The following RPE65 variants were observed in gnomAD, a reference collection of about 807,000 sequenced individuals.
The protein encoded by RPE65 is retinoid isomerohydrolase RPE65, also known as retinoid isomerohydrolase.
A neutral mutation model predicts 68.5 loss-of-function variants in RPE65; 58 were observed. The observed-to-expected ratio is 0.85, with a 90% CI of 0.69 to 1.05. The LOEUF is 1.05. Ranked by LOEUF, RPE65 falls within the 50% of genes least tolerant of loss-of-function variation. The pLI is 0.00. For synonymous variants in RPE65, 220 were observed against 222.2 expected, an observed-to-expected ratio of 0.99 and a Z score of 0.09; for missense variants, 643 against 629.9, an observed-to-expected ratio of 1.02 and a Z score of -0.22.
chr1:68,429,592 T>C lies in RPE65; in HGVS notation c.*184A>G, dbSNP rs1307618913. On this transcript the variant is annotated 3_prime_UTR_variant, in exon 14 of 14. Transcript: ENST00000262340. ...AAGTATGATTATCTAAATACGTACT[T>C]TTTTTTTTAAATAAAGGAATTGCTT... The C allele has an allele frequency of 3.1e-6, 2 of 645,826 alleles. No homozygotes were observed. The highest frequency in any genetic ancestry group is 5.3e-6 in the Non-Finnish European group (2 of 378,950). 40.0% of individuals were successfully genotyped at this position (645,826 alleles called of 1,614,324 possible).
At chr1:68,435,512 A>G (rs1298313716) in intron 10 of RPE65, among the ~76,000 whole-genome samples, 1 of 152,184 alleles carries the variant, frequency 6.6e-6, no homozygotes, top group Non-Finnish European at 1.5e-5. Flanking sequence ...CAAATTTCTT[A>G]GCCTGGCCTT....
chr1:68,429,874 G>A lies in RPE65; in HGVS notation c.1504C>T (p.Leu502Phe). ...AAGTCCTTGGCATTCAGAATCAGGAGATAAGCAGGCTTTTGTCCTGCTCCT... is the reference window on the plus strand; with the variant it reads ...AAGTCCTTGGCATTCAGAATCAGGAAATAAGCAGGCTTTTGTCCTGCTCCT... ...SPGAGQKPAYLLILNAKDLSE... is the reference protein window; with the variant it reads ...SPGAGQKPAYFLILNAKDLSE... The change falls in exon 14 of 14, where the codon CTC becomes TTC. Residue 502 changes from leucine to phenylalanine, a missense_variant. Leu to Phe is a conservative substitution (Grantham distance 22). Coordinates refer to ENST00000262340, the MANE Select transcript of RPE65 (RefSeq NM_000329.3). 1 of 1,613,850 alleles carries A rather than the reference G, an allele frequency of 6.2e-7. No individual in the cohort carries two copies. Among genetic ancestry groups the A allele is most frequent in the Non-Finnish European group, 8.5e-7 (1 of 1,179,826 alleles).
At position 68,432,412 on chromosome 1, in the gene RPE65, T is replaced by C. The variant is rs2100809257; in HGVS notation, c.1129-827A>G. Among the ~76,000 whole-genome samples, 2 of 152,270 alleles carry C rather than the reference T, an allele frequency of 1.3e-5. 1 individual carries two copies. Among genetic ancestry groups the C allele is most frequent in the East Asian group, 3.9e-4 (2 of 5,170 alleles). On this transcript the variant is annotated intron_variant, in intron 10 of 13. Coordinates refer to ENST00000262340, the MANE Select transcript of RPE65 (RefSeq NM_000329.3). Reference sequence around the variant, plus strand: ...GGTAAGCGGTTAAAATTTGAATAGATGGTTCGGGTAGGTCTCTTTGAACAG... The same window carrying C: ...GGTAAGCGGTTAAAATTTGAATAGACGGTTCGGGTAGGTCTCTTTGAACAG...
intron 13 of RPE65, 89 bp downstream of exon 13, chr1:68,430,976 G>T: frequency 2.0e-6 from 2 of 995,158 alleles, no homozygotes; most frequent in Non-Finnish European, 3.2e-6. Context: ...TGAGTATTAC[G>T]GAATAATCAA....
chr1:68,441,477 C>T (rs901819970), intron 5 of RPE65, among the ~76,000 whole-genome samples: 9 of 151,912 alleles, frequency 5.9e-5, no homozygotes, highest in Non-Finnish European at 1.0e-4. Context: ...AAAGGGACTT[C>T]AAGCTTCATC....
chr1:68,431,394 T>C lies in RPE65; in HGVS notation c.1244-18A>G, dbSNP rs775031159. 3.1e-6 allele frequency: 5 copies of C among 1,613,340 alleles called. No homozygotes were observed. The highest frequency in any genetic ancestry group is 1.3e-5 in the African/African-American group (1 of 75,034). On this transcript the variant is annotated intron_variant, in intron 11 of 13. Coordinates refer to ENST00000262340, the MANE Select transcript of RPE65 (RefSeq NM_000329.3). ...CTCAAATGCTACGAAATAGAGCACA[T>C]GCTTAGGAAAACTCTTAATCTCTTT...
At chr1:68,448,757 G>A (rs750009402) in intron 1 of RPE65, 51 bp from the exon 2 acceptor site, 21 of 1,508,684 alleles carry the variant, frequency 1.4e-5, no homozygotes, top group East Asian at 2.4e-5. Flanking sequence ...CTCAAAGTCC[G>A]CAGAGATAGA....
intron 6 of RPE65, 60 bp downstream of exon 6, chr1:68,440,793 C>T: frequency 6.3e-7 from 1 of 1,588,220 alleles, no homozygotes; most frequent in South Asian, 1.1e-5. Context: ...TCTCACAATA[C>T]AGTAACTTTC....
chr1:68,438,446 G>A, intron 9 of RPE65, 130 bp from the exon 10 acceptor site: 1 of 1,085,170 alleles, frequency 9.2e-7, no homozygotes, highest in South Asian at 1.4e-5. Context: ...TATTGAGCCA[G>A]GTGTATCAGA....
Position 68,439,464 on chromosome 1 carries a change from C to CAAA in RPE65, c.725+94_725+96dup, listed in dbSNP as rs1378105428. On this transcript the variant is annotated intron_variant, in intron 7 of 13. Coordinates refer to ENST00000262340, the MANE Select transcript of RPE65 (RefSeq NM_000329.3). ...AATTATGTTTAAATTTAGTTTTCTG[C>CAAA]AAAAAAATATTGTGATCAGGATTGG... 3.8e-6 allele frequency: 6 copies of CAAA among 1,560,140 alleles called. No individual in the cohort carries two copies. In the African/African-American group the frequency reaches 8.2e-5, roughly 21 times the overall value.
chr1:68,446,839 G>T lies in RPE65; in HGVS notation c.116C>A (p.Thr39Asn). 1 of 1,613,742 alleles carries T rather than the reference G, an allele frequency of 6.2e-7. No homozygotes were observed. Among genetic ancestry groups the T allele is most frequent in the South Asian group, 1.1e-5 (1 of 91,058 alleles). Residue 39 changes from threonine to asparagine, a missense_variant, in exon 3 of 14, where the codon ACC becomes AAC. By Grantham distance (65) the Thr-to-Asn change is moderately conservative. Coordinates refer to ENST00000262340, the MANE Select transcript of RPE65 (RefSeq NM_000329.3). ...TGGCCCACATCGAAGGAGACTGCCG[G>T]TGAGCCAGAGGGGGATCCTGCCTGT... The part of the protein sequence containing the change: ...HVTGRIPLWL[T>N]GSLLRCGPGL...
Position 68,440,975 on chromosome 1 carries a change from A to G in RPE65, c.521T>C (p.Val174Ala). The change falls in exon 6 of 14, where the codon GTC (valine) becomes GCC (alanine). Residue 174 changes from valine (V) to alanine (A), a missense_variant. Physicochemically the swap from Val to Ala is moderately conservative, Grantham distance 64 (BLOSUM62 0). Coordinates refer to ENST00000262340, the MANE Select transcript of RPE65 (RefSeq NM_000329.3). ...GTGGGGGTGAGCAGTGGCCCCATTGACAGAGACATAGTTGCAAAGATCAAC... is the reference window on the plus strand; with the variant it reads ...GTGGGGGTGAGCAGTGGCCCCATTGGCAGAGACATAGTTGCAAAGATCAAC... ...KQVDLCNYVS[V>A]NGATAHPHIE... 1 of 1,613,944 alleles carries G rather than the reference A, an allele frequency of 6.2e-7. No individual in the cohort carries two copies. The highest frequency in any genetic ancestry group is 8.5e-7 in the Non-Finnish European group (1 of 1,179,888).
At chr1:68,432,639 C>A (rs1016862644) in intron 10 of RPE65, among the ~76,000 whole-genome samples, 2 of 152,160 alleles carry the variant, frequency 1.3e-5, no homozygotes, top group Non-Finnish European at 2.9e-5. Flanking sequence ...GTGGGGAGGT[C>A]ACGAGCCAGG....
chr1:68,439,599 G>A lies in RPE65; in HGVS notation c.687C>T (p.Phe229=). 1.2e-6 allele frequency: 2 copies of A among 1,613,920 alleles called. No individual in the cohort carries two copies. Among genetic ancestry groups the A allele is most frequent in the African/African-American group, 1.3e-5 (1 of 75,016 alleles). The change falls in exon 7 of 14, where the codon TTC becomes TTT. Residue 229 remains phenylalanine (F), a synonymous_variant. Coordinates refer to ENST00000262340, the MANE Select transcript of RPE65 (RefSeq NM_000329.3). ...PISKSEIVVQ[F]PCSDRFKPSY... Reference sequence around the variant, plus strand: ...ATGGCTTGAATCGGTCACTGCAGGGGAATTGTACAACGATCTCTGACTTGC... The same window carrying A: ...ATGGCTTGAATCGGTCACTGCAGGGAAATTGTACAACGATCTCTGACTTGC...
intron 9 of RPE65, 82 bp downstream of exon 9, chr1:68,438,860 A>AT: frequency 6.5e-7 from 1 of 1,542,798 alleles, no homozygotes; most frequent in African/African-American, 1.4e-5. Context: ...TGTGATTCAG[A>AT]TTGAGTGCAG....
Position 68,444,601 on chromosome 1 carries a change from T to A in RPE65, c.425A>T (p.Asp142Val), listed in dbSNP as rs1645928017. The change falls in exon 5 of 14, where the codon GAT becomes GTT. Residue 142 changes from aspartate to valine, a missense_variant. Coordinates refer to ENST00000262340, the MANE Select transcript of RPE65 (RefSeq NM_000329.3). Reference sequence around the variant, plus strand: ...GTTGGTCTCTGTGCAAGCGTAGTAATCTTCCCCCACTGGGTAGACATTAAC... The same window carrying A: ...GTTGGTCTCTGTGCAAGCGTAGTAAACTTCCCCCACTGGGTAGACATTAAC... ...ALVNVYPVGE[D>V]YYACTETNFI... 1.2e-6 allele frequency: 2 copies of A among 1,614,202 alleles called. No individual in the cohort carries two copies. Among genetic ancestry groups the A allele is most frequent in the East Asian group, 4.5e-5 (2 of 44,880 alleles).
At chr1:68,445,416 A>G (rs1239712917) in intron 3 of RPE65, among the ~76,000 whole-genome samples, 1 of 152,126 alleles carries the variant, frequency 6.6e-6, no homozygotes, top group Non-Finnish European at 1.5e-5. Context: ...TTGCCTAGAC[A>G]GGTCTGCTAA....
rs558639485 is a variant in RPE65, at chr1:68,449,256, A to G, written c.12-550T>C. Among the ~76,000 whole-genome samples, 30 of 152,126 alleles carry G rather than the reference A, an allele frequency of 2.0e-4. 1 individual carries two copies. The highest frequency in any genetic ancestry group is 5.8e-4 in the African/African-American group (24 of 41,492). ...TCATCTTTCATTATTCACTCATATT[A>G]TACCATAATTTTTTCCCCATCATCT... On this transcript the variant is annotated intron_variant, in intron 1 of 13. Transcript: ENST00000262340.
At chr1:68,449,584 G>A (rs967935746) in intron 1 of RPE65, among the ~76,000 whole-genome samples, 1 of 152,098 alleles carries the variant, frequency 6.6e-6, no homozygotes, top group South Asian at 2.1e-4. Context: ...GACTTAAAAA[G>A]TTAGGTAATT....
Sources: gnomAD v4.1 joint callset for allele counts (sites outside exome capture counted in the v4.1 genomes callset) on GRCh38, gnomAD v4.1.1 for gene constraint, MANE v1.5 for transcripts, NCBI Gene and HGNC (gene_info 2026-07-23, HGNC 2026-07-21) for gene names.